RBM12: variants seen among roughly 807,000 people sequenced by gnomAD.
The protein encoded by RBM12 is RNA binding motif protein 12.
A neutral mutation model predicts 37.2 loss-of-function variants in RBM12; 24 were observed. The ratio of observed to expected loss-of-function variants is 0.65; its 90% CI spans 0.47 to 0.91. The LOEUF is 0.91. Among genes scored for constraint, RBM12 ranks in the 40% least tolerant of loss-of-function variants. RBM12 has a pLI of 0.00. For missense variants in RBM12, 1,061 were observed against 1,183.2 expected, an observed-to-expected ratio of 0.90 and a Z score of 1.52; for synonymous variants, 420 against 425.2, an observed-to-expected ratio of 0.99 and a Z score of 0.15.
Position 35,655,307 on chromosome 20 carries a change from G to A in RBM12, c.16C>T (p.Arg6Cys), listed in dbSNP as rs769171386. The change falls in exon 3 of 3, where the codon CGT (arginine) becomes TGT (cysteine). Residue 6 changes from arginine to cysteine, a missense_variant. Arg to Cys is a radical substitution (Grantham distance 180). Coordinates refer to ENST00000374114, the MANE Select transcript of RBM12 (RefSeq NM_006047.6). ...GCCACAATTGGGAGACCTTGCAAAC[G>A]GATGACCACAGCCATGCTGCGCTGA... Reference protein sequence around the residue: MAVVIRLQGLPIVAGT... With the variant: MAVVICLQGLPIVAGT... 11 of 1,608,858 alleles carry A rather than the reference G, an allele frequency of 6.8e-6. No individual in the cohort carries two copies. Among genetic ancestry groups the A allele is most frequent in the African/African-American group, 1.3e-5 (1 of 74,874 alleles).
At position 35,658,932 on chromosome 20, in the gene RBM12, G is replaced by C. The variant is rs2034073809; in HGVS notation, c.-25C>G. ...ACTCTCTATTCAAAATCTCTTACCT[G>C]ATAAAACAAGAGATGAATTTCCTTA... On this transcript the variant is annotated splice_region_variant and 5_prime_UTR_variant, in exon 2 of 3. It adds an upstream start codon to the 5' untranslated region. Transcript: ENST00000374114. The C allele has an allele frequency of 1.4e-6, 1 of 716,058 alleles. No individual in the cohort carries two copies. Among genetic ancestry groups the C allele is most frequent in the Admixed American group, 2.0e-5 (1 of 49,794 alleles). 44.4% of individuals were successfully genotyped at this position (716,058 alleles called of 1,614,324 possible). A position where few individuals can be genotyped will look rare whatever the true frequency, so the allele number is the denominator to read the frequency against.
intron 2 of RBM12, among the ~76,000 whole-genome samples, chr20:35,657,652 A>G (rs17092947): frequency 0.037 from 5,583 of 152,318 alleles, 344 homozygotes; most frequent in African/African-American, 0.13. Flanking sequence ...GCTATTGAAA[A>G]TCTGCCTCAG....
intron 2 of RBM12, among the ~76,000 whole-genome samples, chr20:35,657,175 T>C (rs1236317214): frequency 1.3e-5 from 2 of 152,132 alleles, no homozygotes; most frequent in East Asian, 3.8e-4. Context: ...GCACTAGAAA[T>C]TTGGGAAGTG....
chr20:35,651,341 A>C lies in RBM12; in HGVS notation c.*1183T>G, dbSNP rs2033500313. The C allele has an allele frequency of 6.6e-6, 1 of 152,064 alleles. No individual in the cohort carries two copies. Among genetic ancestry groups the C allele is most frequent in the African/African-American group, 2.4e-5 (1 of 41,392 alleles). The allele number at this position is 152,064 out of a possible 1,614,324, so 9.4% of individuals were successfully genotyped here. A position where few individuals can be genotyped will look rare whatever the true frequency, so the allele number is the denominator to read the frequency against. On this transcript the variant is annotated 3_prime_UTR_variant, in exon 3 of 3. Coordinates refer to ENST00000374114, the MANE Select transcript of RBM12 (RefSeq NM_006047.6). Reference sequence around the variant, plus strand: ...AGAGTATGAAAGGGTCAAGAATCTCAATTTTCTCCTCTGGCGGCTGCACTT... The same window carrying C: ...AGAGTATGAAAGGGTCAAGAATCTCCATTTTCTCCTCTGGCGGCTGCACTT...
chr20:35,654,465 G>C lies in RBM12; in HGVS notation c.858C>G (p.Ile286Met), dbSNP rs1318040365. ...FLGPLNPVNP[I>M]QMNSQSSVKP... Reference sequence around the variant, plus strand: ...TCACACTGCTCTGAGAGTTCATCTGGATAGGGTTAACAGGATTCAACGGAC... The same window carrying C: ...TCACACTGCTCTGAGAGTTCATCTGCATAGGGTTAACAGGATTCAACGGAC... The change falls in exon 3 of 3, where the codon ATC (isoleucine) becomes ATG (methionine). Residue 286 changes from isoleucine (I) to methionine (M), a missense_variant. Ile to Met is a conservative substitution (Grantham distance 10). Coordinates refer to ENST00000374114, the MANE Select transcript of RBM12 (RefSeq NM_006047.6). The C allele has an allele frequency of 1.9e-6, 3 of 1,614,062 alleles. No individual in the cohort carries two copies. The African/African-American group carries it at 4.0e-5, about 22-fold the overall frequency.
chr20:35,649,352 T>C lies in RBM12; in HGVS notation c.*3172A>G, dbSNP rs2033341059. 1 of 152,238 alleles carries C rather than the reference T, an allele frequency of 6.6e-6. No homozygotes were observed. The highest frequency in any genetic ancestry group is 6.5e-5 in the Admixed American group (1 of 15,286). The allele number at this position is 152,238 out of a possible 1,614,324, so 9.4% of individuals were successfully genotyped here. A position where few individuals can be genotyped will look rare whatever the true frequency, so the allele number is the denominator to read the frequency against. Reference sequence around the variant, plus strand: ...GGAATTTAAGGCTTTCACGCATCCTTGTTTTTATGCAAGGCTGACTATTTC... The same window carrying C: ...GGAATTTAAGGCTTTCACGCATCCTCGTTTTTATGCAAGGCTGACTATTTC... On this transcript the variant is annotated 3_prime_UTR_variant, in exon 3 of 3. Coordinates refer to ENST00000374114, the MANE Select transcript of RBM12 (RefSeq NM_006047.6).
Position 35,654,768 on chromosome 20 carries a change from G to C in RBM12, c.555C>G (p.Val185=). The part of the protein sequence containing the change: ...VPSTASPMNT[V]PPPPIPPIPA... ...GAATTGGAGGAATTGGTGGCGGCGG[G>C]ACTGTGTTCATTGGAGAGGCTGTGC... Residue 185 remains valine (V), a synonymous_variant, in exon 3 of 3, where the codon GTC becomes GTG. Coordinates refer to ENST00000374114, the MANE Select transcript of RBM12 (RefSeq NM_006047.6). The C allele has an allele frequency of 6.2e-7, 1 of 1,613,992 alleles. No homozygotes were observed. The highest frequency in any genetic ancestry group is 1.1e-5 in the South Asian group (1 of 91,064).
intron 1 of RBM12, among the ~76,000 whole-genome samples, chr20:35,663,062 TAAACAC>T (rs2034323234): frequency 6.6e-6 from 1 of 152,254 alleles, no homozygotes; most frequent in African/African-American, 2.4e-5. Context: ...TTGTTTTGTA[TAAACAC>T]GCCAAACATT....
Position 35,655,176 on chromosome 20 carries a change from A to C in RBM12, c.147T>G (p.Thr49=). The change falls in exon 3 of 3, where the codon ACT becomes ACG. Residue 49 remains threonine, a synonymous_variant. Coordinates refer to ENST00000374114, the MANE Select transcript of RBM12 (RefSeq NM_006047.6). The part of the protein sequence containing the change: ...ELGEAFIVFA[T]DEDARLGMMR... ...TCATACCAAGCCTTGCATCTTCATCAGTGGCAAAAACGATGAAAGCCTCAC... is the reference window on the plus strand; with the variant it reads ...TCATACCAAGCCTTGCATCTTCATCCGTGGCAAAAACGATGAAAGCCTCAC... The C allele has an allele frequency of 1.9e-6, 3 of 1,614,180 alleles. No individual in the cohort carries two copies. Among genetic ancestry groups the C allele is most frequent in the East Asian group, 2.2e-5 (1 of 44,892 alleles).
chr20:35,656,907 T>C (rs1040695), intron 2 of RBM12, among the ~76,000 whole-genome samples: 38,454 of 152,154 alleles, frequency 0.25, 5,620 homozygotes, highest in African/African-American at 0.41. Flanking sequence ...TTCTCAAGAA[T>C]ATTAGAAGGG....
rs1601471678 is a variant in RBM12 at position 35,653,314 on chromosome 20, G to A, written c.2009C>T (p.Ala670Val). ...VGLPSAGLPG[A>V]GLPSTGLPGS... is the part of the protein sequence containing the mutation. ...AGGCAGTCCTGTGCTGGGCAGGCCT[G>A]CACCGGGAAGTCCTGCACTGGGCAG... The change falls in exon 3 of 3, where the codon GCA becomes GTA. Residue 670 changes from alanine (A) to valine (V), a missense_variant. Ala to Val is a moderately conservative substitution (Grantham distance 64, BLOSUM62 0). Around this residue, in one of 3 missense-constraint regions of RBM12, gnomAD observed 517 missense variants for 534.0 expected, o/e 0.97. Coordinates refer to ENST00000374114, the MANE Select transcript of RBM12 (RefSeq NM_006047.6). The A allele has an allele frequency of 6.2e-7, 1 of 1,613,810 alleles. No homozygotes were observed. Among genetic ancestry groups the A allele is most frequent in the African/African-American group, 1.3e-5 (1 of 75,054 alleles).
chr20:35,656,862 G>C (rs897706339), intron 2 of RBM12, among the ~76,000 whole-genome samples: 4 of 147,136 alleles, frequency 2.7e-5, no homozygotes, highest in Admixed American at 2.0e-4. Flanking sequence ...CCCTCAGAAA[G>C]GTTATAAATT....
Position 35,652,817 on chromosome 20 carries a change from C to T in RBM12, c.2506G>A (p.Gly836Ser). 1 of 1,606,558 alleles carries T rather than the reference C, an allele frequency of 6.2e-7. No homozygotes were observed. Among genetic ancestry groups the T allele is most frequent in the Non-Finnish European group, 8.5e-7 (1 of 1,176,342 alleles). Reference protein sequence around the residue: ...GPGPGPGPGPGPIHIGGPPGF... With the variant: ...GPGPGPGPGPSPIHIGGPPGF... ...GGGGGACCACCAATATGGATTGGGC[C>T]AGGGCCGGGGCCGGGGCCGGGGCCA... Residue 836 changes from glycine (G) to serine (S), a missense_variant, in exon 3 of 3, where the codon GGC (glycine) becomes AGC (serine). Transcript: ENST00000374114.
intron 2 of RBM12, among the ~76,000 whole-genome samples, chr20:35,656,603 C>T (rs1008791649): frequency 2.0e-5 from 3 of 152,202 alleles, no homozygotes; most frequent in Non-Finnish European, 4.4e-5. Flanking sequence ...GGCACGATCT[C>T]GGTTCACGGC....
chr20:35,655,771 C>T (rs2033858885), intron 2 of RBM12, among the ~76,000 whole-genome samples: 1 of 152,048 alleles, frequency 6.6e-6, no homozygotes, highest in South Asian at 2.1e-4. Context: ...AGCATCTTCC[C>T]TATATACTTG....
At chr20:35,659,138 CA>C (rs370328377) in intron 1 of RBM12, 124 bp from the exon 2 acceptor site, 79,870 of 267,990 alleles carry the variant, frequency 0.3, 2,327 homozygotes, top group African/African-American at 0.37. Context: ...GAATGCATAT[CA>C]AAAAAAAAAA....
At position 35,653,427 on chromosome 20, in the gene RBM12, A is replaced by T. The variant is rs771923135; in HGVS notation, c.1896T>A (p.Pro632=). 6.2e-7 allele frequency: 1 copy of T among 1,613,752 alleles called. No homozygotes were observed. Among genetic ancestry groups the T allele is most frequent in the South Asian group, 1.1e-5 (1 of 91,034 alleles). The change falls in exon 3 of 3, where the codon CCT becomes CCA. Residue 632 remains proline (P), a synonymous_variant. Coordinates refer to ENST00000374114, the MANE Select transcript of RBM12 (RefSeq NM_006047.6). ...EDMREIEKNP[P]AQGKKGLKMP... is the part of the protein sequence containing the mutation. ...TCTTTAATCCCTTTTTTCCTTGGGC[A>T]GGGGGATTTTTCTCAATCTCTCTCA...
At chr20:35,656,485 G>C (rs2033903731) in intron 2 of RBM12, among the ~76,000 whole-genome samples, 1 of 152,176 alleles carries the variant, frequency 6.6e-6, no homozygotes, top group African/African-American at 2.4e-5. Flanking sequence ...TGAAATTAAG[G>C]TGGTCAATAA....
In RBM12 at chr20:35,652,551, T is replaced by G; in HGVS notation, c.2772A>C (p.Ser924=). The G allele has an allele frequency of 6.2e-7, 1 of 1,611,414 alleles. No individual in the cohort carries two copies. The highest frequency in any genetic ancestry group is 1.3e-5 in the African/African-American group (1 of 74,768). ...VIDLNDRPIG[S]RKVKLVLG The stretch of plus-strand genomic sequence containing the variant: ...ACCCTAATACAAGTTTTACTTTTCT[T>G]GAACCTATAGGCCTGTCATTTAAGT... Residue 924 remains serine (S), a synonymous_variant, in exon 3 of 3, where the codon TCA becomes TCC. Transcript: ENST00000374114.
Sources: gnomAD v4.1 joint callset for allele counts (sites outside exome capture counted in the v4.1 genomes callset) on GRCh38, gnomAD v4.1.1 for gene constraint, gnomAD v4.1.1 regional missense constraint, MANE v1.5 for transcripts, NCBI Gene and HGNC (gene_info 2026-07-23, HGNC 2026-07-21) for gene names.